The following PPFIA2 variants were observed in gnomAD, a reference collection of about 807,000 sequenced individuals.
PPFIA2 encodes PPFI scaffold protein A2, also known as liprin-alpha-2.
Under a neutral mutation model 175.5 loss-of-function variants are expected in PPFIA2, and 46 were observed. The ratio of observed to expected loss-of-function variants is 0.26; its 90% CI spans 0.21 to 0.34. The LOEUF (loss-of-function observed/expected upper bound fraction) is 0.34. Ranked by LOEUF, PPFIA2 falls within the 10% of genes least tolerant of loss-of-function variation. The probability of loss-of-function intolerance (pLI) is 1.00; values close to 1 mark genes in which losing one functional copy is unlikely to be tolerated. For missense variants in PPFIA2, 1,179 were observed against 1,506.1 expected, an observed-to-expected ratio of 0.78 and a Z score of 3.60; for synonymous variants, 568 against 511.4, an observed-to-expected ratio of 1.11 and a Z score of -1.49.
At chr12:81,712,246 A>C (rs1731796637) in intron 3 of PPFIA2, among the ~76,000 whole-genome samples, 1 of 151,354 alleles carries the variant, frequency 6.6e-6, no homozygotes, top group Admixed American at 6.8e-5. Context: ...CTGAATTTTA[A>C]ACAAAAGTCT....
At chr12:81,347,505 C>T in intron 18 of PPFIA2, 28 bp downstream of exon 18, 2 of 1,550,492 alleles carry the variant, frequency 1.3e-6, no homozygotes, top group South Asian at 1.1e-5. Flanking sequence ...TAACAGGAGG[C>T]AAAGGTTCTC....
chr12:81,553,721 A>C (rs949027593), intron 4 of PPFIA2, among the ~76,000 whole-genome samples: 3 of 152,074 alleles, frequency 2.0e-5, no homozygotes, highest in African/African-American at 7.2e-5. Flanking sequence ...TGCTAGTCCC[A>C]TCTGCTTTCC....
chr12:81,429,128 T>C (rs1481433135), intron 7 of PPFIA2, among the ~76,000 whole-genome samples: 1 of 152,040 alleles, frequency 6.6e-6, no homozygotes, highest in East Asian at 1.9e-4. Flanking sequence ...AATTAGAATA[T>C]GTAGCATGCA....
At chr12:81,679,110 T>A (rs545301067) in intron 3 of PPFIA2, among the ~76,000 whole-genome samples, 1 of 151,902 alleles carries the variant, frequency 6.6e-6, no homozygotes, top group South Asian at 2.1e-4. Context: ...AACTTAAAAT[T>A]GTCTTAAAAT....
intron 4 of PPFIA2, among the ~76,000 whole-genome samples, chr12:81,511,477 A>G (rs2061790152): frequency 6.6e-6 from 1 of 152,138 alleles, no homozygotes; most frequent in East Asian, 1.9e-4. Flanking sequence ...TTTGGATAAC[A>G]TAGGAAAATA....
chr12:81,535,710 C>A (rs371858807), intron 4 of PPFIA2, among the ~76,000 whole-genome samples: 1 of 151,406 alleles, frequency 6.6e-6, no homozygotes, highest in African/African-American at 2.4e-5. Context: ...TTTTATGACA[C>A]GTGTTACTTT....
intron 3 of PPFIA2, among the ~76,000 whole-genome samples, chr12:81,753,542 A>T (rs1465417597): frequency 1.3e-5 from 2 of 152,078 alleles, no homozygotes; most frequent in African/African-American, 2.4e-5. Flanking sequence ...AAAAAAAACA[A>T]TAGTTGGACA....
rs377487922 is a variant in PPFIA2, at chr12:81,528,097, TC to T, written c.304-70232del. ...GGGTTTTTTATTTATTCTATTAACC[TC>T]ATTATTTCAGTTCCTAGAATAGTAC... On this transcript the variant is annotated intron_variant, in intron 4 of 32. Transcript: ENST00000549396. Among the ~76,000 whole-genome samples, 184 of 152,176 alleles carry T rather than the reference TC, an allele frequency of 1.2e-3. No homozygotes were observed. In the Middle Eastern group the frequency reaches 0.017, roughly 14 times the overall value.
At chr12:81,694,974 C>A (rs1199428096) in intron 3 of PPFIA2, among the ~76,000 whole-genome samples, 1 of 152,172 alleles carries the variant, frequency 6.6e-6, no homozygotes, top group Non-Finnish European at 1.5e-5. Context: ...ATGAGGTCTA[C>A]AGCCCCTTTC....
chr12:81,731,177 C>T (rs2080851435), intron 3 of PPFIA2, among the ~76,000 whole-genome samples: 1 of 151,642 alleles, frequency 6.6e-6, no homozygotes, highest in Admixed American at 6.6e-5. Flanking sequence ...ATGGGTCCTA[C>T]ACTGGCTGTT....
intron 4 of PPFIA2, among the ~76,000 whole-genome samples, chr12:81,518,579 C>T (rs893988015): frequency 2.6e-4 from 40 of 152,052 alleles, no homozygotes; most frequent in African/African-American, 9.4e-4. Context: ...TTTAGCTATT[C>T]ATCTTAGATA....
At chr12:81,536,400 A>G (rs1290005012) in intron 4 of PPFIA2, among the ~76,000 whole-genome samples, 1 of 151,472 alleles carries the variant, frequency 6.6e-6, no homozygotes, top group Non-Finnish European at 1.5e-5. Context: ...TTTCAATTAT[A>G]TTTTCCAAGC....
At position 81,312,626 on chromosome 12, in the gene PPFIA2, T is replaced by C. The variant is rs560990526; in HGVS notation, c.2642+13151A>G. Reference sequence around the variant, plus strand: ...CCCAAGAAAAAAGAACAGCAGACATTAGAATGGGCAGCAACTTGAAGTGAA... The same window carrying C: ...CCCAAGAAAAAAGAACAGCAGACATCAGAATGGGCAGCAACTTGAAGTGAA... On this transcript the variant is annotated intron_variant, in intron 22 of 32. Coordinates refer to ENST00000549396, the MANE Select transcript of PPFIA2 (RefSeq NM_003625.5). Among the ~76,000 whole-genome samples the C allele has an allele frequency of 2.2e-4, 34 of 152,288 alleles. No homozygotes were observed. The South Asian group carries it at 3.3e-3, about 15-fold the overall frequency.
chr12:81,520,268 G>C (rs138331417), intron 4 of PPFIA2, among the ~76,000 whole-genome samples: 1 of 152,290 alleles, frequency 6.6e-6, no homozygotes, highest in Non-Finnish European at 1.5e-5. Context: ...AGACAGCATG[G>C]ATATGCTGGA....
intron 7 of PPFIA2, among the ~76,000 whole-genome samples, chr12:81,415,735 A>G (rs2143194295): frequency 6.6e-6 from 1 of 151,196 alleles, no homozygotes; most frequent in Non-Finnish European, 1.5e-5. Context: ...ATTCTCAGGT[A>G]GAAAGTTTTG....
At chr12:81,604,855 T>C (rs1256338587) in intron 4 of PPFIA2, among the ~76,000 whole-genome samples, 1 of 151,646 alleles carries the variant, frequency 6.6e-6, no homozygotes, top group Non-Finnish European at 1.5e-5. Context: ...GAATTGAAAA[T>C]GAAACAGTAA....
chr12:81,696,408 T>C (rs2075897920), intron 3 of PPFIA2, among the ~76,000 whole-genome samples: 1 of 152,108 alleles, frequency 6.6e-6, no homozygotes, highest in South Asian at 2.1e-4. Flanking sequence ...TCATGAAGAA[T>C]GTGGTAGCAT....
intron 4 of PPFIA2, among the ~76,000 whole-genome samples, chr12:81,603,522 C>T (rs904178178): frequency 2.0e-5 from 3 of 151,354 alleles, no homozygotes; most frequent in African/African-American, 4.8e-5. Context: ...AAAACAGATA[C>T]ACTTTTTGAA....
chr12:81,419,504 T>C (rs1157473723), intron 7 of PPFIA2, among the ~76,000 whole-genome samples: 3 of 152,134 alleles, frequency 2.0e-5, no homozygotes, highest in East Asian at 1.9e-4. Flanking sequence ...GATTTAATCA[T>C]GTTACATGGT....
Sources: allele counts gnomAD v4.1 joint callset (sites outside exome capture counted in the v4.1 genomes callset), GRCh38; gene constraint gnomAD v4.1.1; transcripts MANE v1.5; gene names NCBI Gene and HGNC (gene_info 2026-07-23, HGNC 2026-07-21).